Variants in FUT8 observed in about 807,000 individuals in gnomAD.
FUT8 encodes the protein alpha-(1,6)-fucosyltransferase.
FUT8 carries 29 observed loss-of-function variants against 71.3 expected under a neutral mutation model. That is an observed-to-expected ratio of 0.41 (90% CI 0.30 to 0.55). FUT8 has a LOEUF of 0.55. Ranked by LOEUF, FUT8 falls within the 20% of genes least tolerant of loss-of-function variation. The probability of loss-of-function intolerance (pLI) is 0.34; values close to 1 mark genes in which losing one functional copy is unlikely to be tolerated. For synonymous variants in FUT8, 254 were observed against 239.3 expected, an observed-to-expected ratio of 1.06 and a Z score of -0.57; for missense variants, 544 against 702.1, an observed-to-expected ratio of 0.77 and a Z score of 2.55.
the FUT8 span, among the ~76,000 whole-genome samples, chr14:65,372,137 C>T: frequency 6.6e-6 from 1 of 152,052 alleles, no homozygotes; most frequent in Admixed American, 6.6e-5. Context: ...CATGTGTAAC[C>T]AAGCTCCTGT....
At chr14:65,424,081 G>C (rs1258519702) in intron 1 of FUT8, among the ~76,000 whole-genome samples, 1 of 152,146 alleles carries the variant, frequency 6.6e-6, no homozygotes, top group African/African-American at 2.4e-5. Flanking sequence ...CATCACTAGT[G>C]GCACTTAGGT....
At chr14:65,661,456 G>A (rs140695010) in intron 6 of FUT8, among the ~76,000 whole-genome samples, 80 of 152,284 alleles carry the variant, frequency 5.3e-4, no homozygotes, top group African/African-American at 1.8e-3. Flanking sequence ...GGCAGCTGGA[G>A]ATATTATGTC....
chr14:65,412,946 C>A lies in FUT8; in HGVS notation c.-594C>A, dbSNP rs1412503890. The A allele has an allele frequency of 6.5e-6, 1 of 153,058 alleles. No individual in the cohort carries two copies. Among genetic ancestry groups the A allele is most frequent in the African/African-American group, 2.4e-5 (1 of 41,474 alleles). 9.5% of individuals were successfully genotyped at this position (153,058 alleles called of 1,614,324 possible). A position where few individuals can be genotyped will look rare whatever the true frequency, so the allele number is the denominator to read the frequency against. ...GCCGGCACTGCTCAGGGTCGCGCGC[C>A]CTGGACCCAGCTCGCTCTCGGTCTC... On this transcript the variant is annotated 5_prime_UTR_variant, in exon 1 of 11. Coordinates refer to ENST00000673929, the MANE Select transcript of FUT8 (RefSeq NM_001371533.1).
the FUT8 span, among the ~76,000 whole-genome samples, chr14:65,358,098 A>G: frequency 6.6e-6 from 1 of 152,228 alleles, no homozygotes; most frequent in African/African-American, 2.4e-5. Flanking sequence ...ACAGTTAGGA[A>G]GAATAAGTTC....
the FUT8 span, among the ~76,000 whole-genome samples, chr14:65,383,265 C>CTTTTTTTTTTTTTTTTTTTTTTTTT: frequency 3.5e-5 from 3 of 86,514 alleles, no homozygotes; most frequent in African/African-American, 8.1e-5. Context: ...TTTTTCTTTT[C>CTTTTTTTTTTTTTTTTTTTTTTTTT]TTTTTTTTTT....
At chr14:65,578,889 C>A (rs1439387915) in intron 3 of FUT8, among the ~76,000 whole-genome samples, 1 of 152,000 alleles carries the variant, frequency 6.6e-6, no homozygotes. Context: ...TTAACATAGT[C>A]TTTCTGTTCT....
At position 65,412,995 on chromosome 14, in the gene FUT8, C is replaced by T. The variant is rs1300088547; in HGVS notation, c.-545C>T. 1 of 153,028 alleles carries T rather than the reference C, an allele frequency of 6.5e-6. No homozygotes were observed. The highest frequency in any genetic ancestry group is 6.5e-5 in the Admixed American group (1 of 15,294). The allele number at this position is 153,028 out of a possible 1,614,324, so 9.5% of individuals were successfully genotyped here. ...TCGCGCTGTCAGCGACTGCCCGGCT[C>T]GCGCCGCCTCGCGCTCTGCCTCAGT... On this transcript the variant is annotated 5_prime_UTR_variant, in exon 1 of 11. Transcript: ENST00000673929.
At chr14:65,684,589 C>T (rs1893185337) in intron 7 of FUT8, among the ~76,000 whole-genome samples, 1 of 152,170 alleles carries the variant, frequency 6.6e-6, no homozygotes, top group African/African-American at 2.4e-5. Flanking sequence ...TATGGTTTAG[C>T]TTTGTGTCCC....
chr14:65,365,676 C>G, the FUT8 span, among the ~76,000 whole-genome samples: 1 of 152,068 alleles, frequency 6.6e-6, no homozygotes, highest in African/African-American at 2.4e-5. Flanking sequence ...TTACAAATGC[C>G]ATGAAAATGA....
chr14:65,422,440 C>T (rs987256581), intron 1 of FUT8, among the ~76,000 whole-genome samples: 1 of 152,006 alleles, frequency 6.6e-6, no homozygotes, highest in Non-Finnish European at 1.5e-5. Context: ...CATTGTTTTC[C>T]AGAATAGGGC....
chr14:65,639,509 GACACACACACAC>G (rs10559310), intron 6 of FUT8, among the ~76,000 whole-genome samples: 11 of 148,128 alleles, frequency 7.4e-5, no homozygotes, highest in African/African-American at 2.5e-4. Context: ...TTCAAATCCA[GACACACACACAC>G]ACACACACAC....
chr14:65,535,244 C>T (rs764344958), intron 2 of FUT8, among the ~76,000 whole-genome samples: 4 of 151,878 alleles, frequency 2.6e-5, no homozygotes, highest in South Asian at 2.1e-4. Flanking sequence ...GGATTACTGA[C>T]GTACACCACC....
intron 1 of FUT8, among the ~76,000 whole-genome samples, chr14:65,426,497 G>A (rs1292996171): frequency 1.3e-5 from 2 of 152,096 alleles, no homozygotes; most frequent in East Asian, 1.9e-4. Context: ...ATTGGACAAA[G>A]GATAATAACT....
At chr14:65,501,996 G>A (rs118118995) in intron 2 of FUT8, among the ~76,000 whole-genome samples, 1,839 of 150,988 alleles carry the variant, frequency 0.012, 16 homozygotes, top group Non-Finnish European at 0.02. Context: ...CTGTAGTCCC[G>A]AGCTCCCAAA....
intron 6 of FUT8, among the ~76,000 whole-genome samples, chr14:65,656,040 C>T (rs1368953377): frequency 6.6e-6 from 1 of 152,066 alleles, no homozygotes; most frequent in East Asian, 1.9e-4. Flanking sequence ...TCTCTAAGAT[C>T]TGGAGCATGG....
At chr14:65,570,310 A>G (rs1886401303) in intron 3 of FUT8, among the ~76,000 whole-genome samples, 1 of 152,082 alleles carries the variant, frequency 6.6e-6, no homozygotes, top group Non-Finnish European at 1.5e-5. Flanking sequence ...TTCCCAAGTA[A>G]GAACATAGCT....
At chr14:65,559,067 T>C (rs1885759304) in intron 2 of FUT8, among the ~76,000 whole-genome samples, 1 of 152,188 alleles carries the variant, frequency 6.6e-6, no homozygotes, top group African/African-American at 2.4e-5. Context: ...TTCTGTAAAC[T>C]TTTGTTACTA....
At chr14:65,584,440 A>G (rs2140122375) in intron 3 of FUT8, among the ~76,000 whole-genome samples, 1 of 152,310 alleles carries the variant, frequency 6.6e-6, no homozygotes, top group East Asian at 1.9e-4. Flanking sequence ...TCGGCCTCCC[A>G]AAGGGCTGGG....
At chr14:65,692,152 G>A (rs1182480303) in intron 7 of FUT8, among the ~76,000 whole-genome samples, 1 of 151,932 alleles carries the variant, frequency 6.6e-6, no homozygotes, top group Non-Finnish European at 1.5e-5. Flanking sequence ...CGGGCAGAGG[G>A]GCTCCTCACT....
Sources: gnomAD v4.1 joint callset for allele counts (sites outside exome capture counted in the v4.1 genomes callset) on GRCh38, gnomAD v4.1.1 for gene constraint, MANE v1.5 for transcripts, NCBI Gene and HGNC (gene_info 2026-07-23, HGNC 2026-07-21) for gene names.